The following TRIM2 variants were observed in gnomAD, a reference collection of about 807,000 sequenced individuals.
The protein encoded by TRIM2 is tripartite motif-containing protein 2.
Under a neutral mutation model 75.2 loss-of-function variants are expected in TRIM2, and 20 were observed. The observed-to-expected ratio is 0.27, with a 90% CI of 0.19 to 0.39. The LOEUF (loss-of-function observed/expected upper bound fraction) is 0.39, where lower values mean the gene tolerates loss of function less well. Among genes scored for constraint, TRIM2 ranks in the 10% least tolerant of loss-of-function variants. The probability of loss-of-function intolerance (pLI) is 1.00; values close to 1 mark genes in which losing one functional copy is unlikely to be tolerated. For missense variants in TRIM2, 660 were observed against 990.8 expected, an observed-to-expected ratio of 0.67 and a Z score of 4.48; for synonymous variants, 373 against 388.3, an observed-to-expected ratio of 0.96 and a Z score of 0.46.
rs1446858724 is a variant in TRIM2 at position 153,335,587 on chromosome 4, G to A, written c.*621G>A. The A allele has an allele frequency of 1.7e-5, 17 of 985,244 alleles. No individual in the cohort carries two copies. Among genetic ancestry groups the A allele is most frequent in the Non-Finnish European group, 1.7e-5 (14 of 829,926 alleles). The allele number at this position is 985,244 out of a possible 1,614,324, so 61.0% of individuals were successfully genotyped here. ...AGTGCAAATTTCTCAACCTTTCTGG[G>A]TTAGACAAAGATCCTTTTTTGTGTG... On this transcript the variant is annotated 3_prime_UTR_variant, in exon 12 of 12. Transcript: ENST00000338700.
chr4:153,160,869 G>A (rs1408338568), intron 1 of TRIM2, among the ~76,000 whole-genome samples: 1 of 151,728 alleles, frequency 6.6e-6, no homozygotes, highest in Admixed American at 6.6e-5. Flanking sequence ...TTAGCCTCCC[G>A]AAGTGCTGCA....
chr4:153,198,863 T>C (rs1469793568), intron 1 of TRIM2, among the ~76,000 whole-genome samples: 1 of 152,160 alleles, frequency 6.6e-6, no homozygotes, highest in African/African-American at 2.4e-5. Context: ...AGGCTTCAGG[T>C]TGCCAAGAGT....
chr4:153,251,476 G>A (rs1392619892), intron 1 of TRIM2, among the ~76,000 whole-genome samples: 2 of 152,116 alleles, frequency 1.3e-5, no homozygotes, highest in African/African-American at 4.8e-5. Flanking sequence ...AAACCATTGG[G>A]CAATACTTTT....
At chr4:153,314,475 T>C (rs1405490933) in intron 6 of TRIM2, among the ~76,000 whole-genome samples, 1 of 151,120 alleles carries the variant, frequency 6.6e-6, no homozygotes, top group East Asian at 1.9e-4. Flanking sequence ...GTGGTGGTTA[T>C]TGTGGTATGT....
chr4:153,216,743 A>T (rs1390358220), intron 1 of TRIM2, among the ~76,000 whole-genome samples: 1 of 152,208 alleles, frequency 6.6e-6, no homozygotes, highest in Admixed American at 6.5e-5. Context: ...CTGCTCTCTG[A>T]TTCCAAGGTG....
At chr4:153,315,612 T>G (rs758298085) in intron 7 of TRIM2, 24 bp downstream of exon 7, 27 of 1,536,448 alleles carry the variant, frequency 1.8e-5, no homozygotes, top group Non-Finnish European at 2.4e-5. Context: ...TTATATACCT[T>G]TAACTACTTA....
intron 1 of TRIM2, among the ~76,000 whole-genome samples, chr4:153,214,216 T>G (rs1330285262): frequency 6.6e-6 from 1 of 152,224 alleles, no homozygotes; most frequent in African/African-American, 2.4e-5. Flanking sequence ...CATTTGCATT[T>G]CCATGAGCAC....
chr4:153,294,478 A>G lies in TRIM2; in HGVS notation c.779A>G (p.Lys260Arg), dbSNP rs1482482523. The G allele has an allele frequency of 6.2e-7, 1 of 1,613,608 alleles. No individual in the cohort carries two copies. Among genetic ancestry groups the G allele is most frequent in the South Asian group, 1.1e-5 (1 of 90,970 alleles). The change falls in exon 5 of 12, where the codon AAA becomes AGA. Residue 260 changes from lysine (K) to arginine (R), a missense_variant. Physicochemically the swap from Lys to Arg is conservative, Grantham distance 26 (BLOSUM62 2). Transcript: ENST00000338700. The part of the protein sequence containing the change: ...LMELEVNYGL[K>R]HKVLQSQLDT... ...GAATTGGAGGTCAACTATGGCCTCAAACACAAAGTAAGACCAGAATCATTA... is the reference window on the plus strand; with the variant it reads ...GAATTGGAGGTCAACTATGGCCTCAGACACAAAGTAAGACCAGAATCATTA...
intron 1 of TRIM2, among the ~76,000 whole-genome samples, chr4:153,247,177 T>G (rs918467760): frequency 2.0e-5 from 3 of 152,216 alleles, no homozygotes; most frequent in African/African-American, 7.2e-5. Flanking sequence ...AGTCCAGGTT[T>G]CTTTCTCATG....
intron 1 of TRIM2, among the ~76,000 whole-genome samples, chr4:153,209,490 A>C (rs1266990459): frequency 1.3e-5 from 2 of 152,136 alleles, no homozygotes; most frequent in African/African-American, 2.4e-5. Flanking sequence ...TCAGCTTTTT[A>C]AGGGAGCATT....
At chr4:153,316,082 A>C in intron 8 of TRIM2, 83 bp downstream of exon 8, 1 of 1,331,936 alleles carries the variant, frequency 7.5e-7, no homozygotes, top group Non-Finnish European at 1.0e-6. Flanking sequence ...TTCTTTTTTG[A>C]GATGCAGTGC....
At position 153,241,270 on chromosome 4, in the gene TRIM2, G is replaced by C. The variant is rs116457560; in HGVS notation, c.31-29065G>C. On this transcript the variant is annotated intron_variant, in intron 1 of 11. Coordinates refer to ENST00000338700, the MANE Select transcript of TRIM2 (RefSeq NM_015271.5). ...CTGGTCTAGGAGGCTGTGTTCTCCA[G>C]AGCAGCGTTGATCACACAGCTCTGG... Among the ~76,000 whole-genome samples the C allele has an allele frequency of 7.8e-3, 1,191 of 152,258 alleles. 15 individuals are homozygous for C. Among genetic ancestry groups the C allele is most frequent in the African/African-American group, 0.027 (1,124 of 41,540 alleles).
chr4:153,254,472 C>T (rs1353218818), intron 1 of TRIM2, among the ~76,000 whole-genome samples: 2 of 152,188 alleles, frequency 1.3e-5, no homozygotes, highest in Admixed American at 1.3e-4. Flanking sequence ...TGGCTGTAAT[C>T]CCAAGAATCC....
chr4:153,225,159 A>G (rs1364453377), intron 1 of TRIM2, among the ~76,000 whole-genome samples: 2 of 152,336 alleles, frequency 1.3e-5, no homozygotes, highest in Non-Finnish European at 2.9e-5. Flanking sequence ...CTGGTGCAAT[A>G]ACATTATCAG....
chr4:153,270,646 A>C, intron 2 of TRIM2, 127 bp downstream of exon 2: 1 of 781,256 alleles, frequency 1.3e-6, no homozygotes, highest in Non-Finnish European at 1.9e-6. Flanking sequence ...CTTCTGCCAG[A>C]CATTGAAAAA....
intron 1 of TRIM2, among the ~76,000 whole-genome samples, chr4:153,166,298 T>A (rs1242850554): frequency 6.6e-6 from 1 of 152,222 alleles, no homozygotes; most frequent in Admixed American, 6.5e-5. Context: ...TTTTCACAAA[T>A]GTCTAGTGAT....
intron 1 of TRIM2, among the ~76,000 whole-genome samples, chr4:153,196,271 C>CA (rs140283138): frequency 0.03 from 4,425 of 147,752 alleles, 100 homozygotes; most frequent in South Asian, 0.057. Context: ...CCACCCCCCC[C>CA]CACACACACA....
intron 1 of TRIM2, among the ~76,000 whole-genome samples, chr4:153,235,358 CACT>C (rs1273720574): frequency 2.0e-5 from 3 of 151,778 alleles, no homozygotes; most frequent in Non-Finnish European, 2.9e-5. Context: ...GATCACGGCT[CACT>C]ACAGCCTTGA....
At chr4:153,275,177 A>G (rs2150058737) in intron 2 of TRIM2, among the ~76,000 whole-genome samples, 1 of 152,360 alleles carries the variant, frequency 6.6e-6, no homozygotes, top group South Asian at 2.1e-4. Context: ...TCAAGGAATC[A>G]TAACAGTACC....
Sources: gnomAD v4.1 joint callset for allele counts (sites outside exome capture counted in the v4.1 genomes callset) on GRCh38, gnomAD v4.1.1 for gene constraint, MANE v1.5 for transcripts, NCBI Gene and HGNC (gene_info 2026-07-23, HGNC 2026-07-21) for gene names.